DNAH17: variants seen among roughly 807,000 people sequenced by gnomAD.
DNAH17 encodes dynein axonemal heavy chain 17, also known as axonemal beta dynein heavy chain 17.
A neutral mutation model predicts 485.6 loss-of-function variants in DNAH17; 376 were observed. That is an observed-to-expected ratio of 0.77 (90% CI 0.71 to 0.84). The LOEUF (loss-of-function observed/expected upper bound fraction) is 0.84, where lower values mean the gene tolerates loss of function less well. Among genes scored for constraint, DNAH17 ranks in the 40% least tolerant of loss-of-function variants. The probability of loss-of-function intolerance (pLI) is 0.00; values close to 1 mark genes in which losing one functional copy is unlikely to be tolerated. For synonymous variants in DNAH17, 3,031 were observed against 2,405.9 expected (o/e 1.26, Z -7.60); for missense variants, 6,370 against 5,839.3 (o/e 1.09, Z -2.96).
At chr17:78,494,552 G>A (rs2089995712) in intron 40 of DNAH17, 41 bp downstream of exon 40, 1 of 1,587,216 alleles carries the variant, frequency 6.3e-7, no homozygotes, top group Non-Finnish European at 8.6e-7. Flanking sequence ...CCCCAGCCAG[G>A]CAGGCTTCTC....
In DNAH17 at chr17:78,425,404, T is replaced by C; in HGVS notation, c.13083A>G (p.Arg4361=). The C allele has an allele frequency of 2.5e-6, 4 of 1,614,000 alleles. No individual in the cohort carries two copies. Among genetic ancestry groups the C allele is most frequent in the Non-Finnish European group, 2.5e-6 (3 of 1,179,884 alleles). The change falls in exon 80 of 81, where the codon CGA becomes CGG. Residue 4361 remains arginine (R), a synonymous_variant. Transcript: ENST00000389840. ...CLSVEVTKKN[R]EDMTAPPREG... is the part of the protein sequence containing the mutation. ...CTCGCGGAGGAGCGGTCATGTCCTC[T>C]CGGTTTTTCTTGGTCACCTCGACAG... is the stretch of plus-strand genomic sequence containing the variant.
chr17:78,573,534 G>T (rs1182858908), intron 2 of DNAH17, among the ~76,000 whole-genome samples: 1 of 151,284 alleles, frequency 6.6e-6, no homozygotes, highest in African/African-American at 2.4e-5. Flanking sequence ...GGGAGGTGGA[G>T]GTTGCAGTGA....
intron 79 of DNAH17, among the ~76,000 whole-genome samples, 184 bp from the exon 80 acceptor site, chr17:78,425,755 GCTTTTTTTTTTTTTTT>G (rs2086422800): frequency 2.3e-5 from 2 of 88,314 alleles, no homozygotes; most frequent in South Asian, 8.4e-4. Context: ...TTTGGTGTCT[GCTTTTTTTTTTTTTTT>G]TTTTTTTTTT....
At chr17:78,538,690 T>C (rs1355956358) in intron 18 of DNAH17, among the ~76,000 whole-genome samples, 1 of 152,166 alleles carries the variant, frequency 6.6e-6, no homozygotes, top group Non-Finnish European at 1.5e-5. Flanking sequence ...GACTTCTTTA[T>C]GGTTTTTGTT....
chr17:78,568,451 ATG>A (rs1347673678), intron 9 of DNAH17, among the ~76,000 whole-genome samples: 1 of 152,086 alleles, frequency 6.6e-6, no homozygotes, highest in African/African-American at 2.4e-5. Context: ...TTTTTTAAGG[ATG>A]TGAGTTATAC....
chr17:78,427,279 A>G, intron 77 of DNAH17, 171 bp from the exon 78 acceptor site: 1 of 651,204 alleles, frequency 1.5e-6, no homozygotes, highest in East Asian at 2.7e-5. Context: ...ACATTTGATG[A>G]GGAGAGGGAG....
chr17:78,525,505 A>C (rs1450618781), intron 24 of DNAH17, among the ~76,000 whole-genome samples: 1 of 152,238 alleles, frequency 6.6e-6, no homozygotes, highest in Non-Finnish European at 1.5e-5. Flanking sequence ...AAAATGACTT[A>C]AGTAATGCTT....
chr17:78,428,974 T>C lies in DNAH17; in HGVS notation c.12405+147A>G, dbSNP rs574652662. On this transcript the variant is annotated intron_variant, in intron 76 of 80. Coordinates refer to ENST00000389840, the MANE Select transcript of DNAH17 (RefSeq NM_173628.4). ...TTGTTTGTATTAGCCTTGTGCTTCT[T>C]CCAAGTGAGACGCATTTCTCATCCT... The C allele has an allele frequency of 1.2e-5, 10 of 855,858 alleles. No individual in the cohort carries two copies. The Admixed American group carries it at 2.3e-4, about 20-fold the overall frequency. The allele number at this position is 855,858 out of a possible 1,614,324, so 53.0% of individuals were successfully genotyped here. A position where few individuals can be genotyped will look rare whatever the true frequency, so the allele number is the denominator to read the frequency against.
chr17:78,566,509 G>A (rs1195558164), intron 11 of DNAH17, 105 bp downstream of exon 11: 8 of 838,534 alleles, frequency 9.5e-6, no homozygotes, highest in Middle Eastern at 6.5e-4. Context: ...CTGGACATCA[G>A]CTCTACATGG....
At chr17:78,445,740 A>G in intron 69 of DNAH17, 60 bp from the exon 70 acceptor site, 1 of 1,552,560 alleles carries the variant, frequency 6.4e-7, no homozygotes, top group Non-Finnish European at 8.7e-7. Flanking sequence ...GCAGCCCTGA[A>G]GATGCGCGCT....
intron 50 of DNAH17, 57 bp from the exon 51 acceptor site, chr17:78,479,173 G>C (rs1311184928): frequency 1.3e-6 from 2 of 1,552,600 alleles, no homozygotes; most frequent in South Asian, 1.2e-5. Flanking sequence ...CCCAGGAAGT[G>C]CAAGCCTCAA....
chr17:78,522,521 C>A, intron 25 of DNAH17: 1 of 314,136 alleles, frequency 3.2e-6, no homozygotes, highest in Non-Finnish European at 6.4e-6. Context: ...GGGACAAGAC[C>A]CTGAAGATCT....
rs1374353817 is a variant in DNAH17, at chr17:78,515,012, C to A, written c.3875G>T (p.Ser1292Ile). ...CTTGGTGGTCTTCCAGTCCTCGATG[C>A]TGGTATTTACCTGAAACGAAAACAT... ...LWDMVVVVNT[S>I]IEDWKTTKWK... Residue 1292 changes from serine (S) to isoleucine (I), a missense_variant, in exon 26 of 81, where the codon AGC (serine) becomes ATC (isoleucine). Ser to Ile is a moderately radical substitution (Grantham distance 142, BLOSUM62 -2). Transcript: ENST00000389840. 1 of 1,613,858 alleles carries A rather than the reference C, an allele frequency of 6.2e-7. No individual in the cohort carries two copies. The highest frequency in any genetic ancestry group is 8.5e-7 in the Non-Finnish European group (1 of 1,179,774).
Position 78,484,857 on chromosome 17 carries a change from C to A in DNAH17, c.7649+11G>T. On this transcript the variant is annotated intron_variant, in intron 48 of 80. Transcript: ENST00000389840. The stretch of plus-strand genomic sequence containing the variant: ...GGCCACGCCTTCCCCTCCGGCCCCG[C>A]CCCGTCTAACCAGTGCCGGTGGTCC... The A allele has an allele frequency of 6.5e-7, 1 of 1,536,414 alleles. No individual in the cohort carries two copies. The highest frequency in any genetic ancestry group is 8.8e-7 in the Non-Finnish European group (1 of 1,140,096).
At chr17:78,440,969 G>A (rs1263195867) in intron 72 of DNAH17, 82 bp downstream of exon 72, 1 of 1,510,514 alleles carries the variant, frequency 6.6e-7, no homozygotes, top group Non-Finnish European at 9.0e-7. Flanking sequence ...TGTCTCATGT[G>A]CTTTTGGTGT....
chr17:78,441,102 A>T lies in DNAH17; in HGVS notation c.11626T>A (p.Phe3876Ile), dbSNP rs746332395. ...YEESSPSTSI[F>I]FILSPGVDPL... is the part of the protein sequence containing the mutation. The stretch of plus-strand genomic sequence containing the variant: ...TCAACCCCCGGGGAGAGGATGAAGA[A>T]GATTGACGTGGAGGGGCTGCTCTCC... Residue 3876 changes from phenylalanine to isoleucine, a missense_variant, in exon 72 of 81, where the codon TTC (phenylalanine) becomes ATC (isoleucine). Physicochemically the swap from Phe to Ile is conservative, Grantham distance 21. Transcript: ENST00000389840. 1.9e-6 allele frequency: 3 copies of T among 1,613,308 alleles called. No individual in the cohort carries two copies. The highest frequency in any genetic ancestry group is 2.5e-6 in the Non-Finnish European group (3 of 1,179,682).
At chr17:78,537,528 T>C (rs779456023) in intron 18 of DNAH17, 47 bp from the exon 19 acceptor site, 1 of 1,593,184 alleles carries the variant, frequency 6.3e-7, no homozygotes, top group Non-Finnish European at 8.6e-7. Flanking sequence ...CTGTCCTCCA[T>C]CGGATGATTC....
intron 12 of DNAH17, among the ~76,000 whole-genome samples, chr17:78,561,292 G>GC (rs1245647744): frequency 1.3e-5 from 2 of 150,310 alleles, no homozygotes; most frequent in Non-Finnish European, 3.0e-5. Context: ...CACATAAAAG[G>GC]CCCCCCTCCT....
At chr17:78,577,193 T>G (rs2143777260) in intron 1 of DNAH17, 102 bp downstream of exon 1, 1 of 152,508 alleles carries the variant, frequency 6.6e-6, no homozygotes, top group South Asian at 2.1e-4. Flanking sequence ...GTGGAGGGTC[T>G]GCTGTCTGCC....
Sources: gnomAD v4.1 joint callset for allele counts (sites outside exome capture counted in the v4.1 genomes callset) on GRCh38, gnomAD v4.1.1 for gene constraint, MANE v1.5 for transcripts, NCBI Gene and HGNC (gene_info 2026-07-23, HGNC 2026-07-21) for gene names.